FGF12: variants seen among roughly 807,000 people sequenced by gnomAD.
The protein encoded by FGF12 is fibroblast growth factor 12B.
Under a neutral mutation model 23.6 loss-of-function variants are expected in FGF12, and 14 were observed. The ratio of observed to expected loss-of-function variants is 0.59; its 90% CI spans 0.39 to 0.93. The LOEUF (loss-of-function observed/expected upper bound fraction) is 0.93, where lower values mean the gene tolerates loss of function less well. Among genes scored for constraint, FGF12 ranks in the 40% least tolerant of loss-of-function variants. The pLI, the probability that FGF12 is intolerant of heterozygous loss-of-function variation, is 0.00. For synonymous variants in FGF12, 62 were observed against 77.3 expected, an observed-to-expected ratio of 0.80 and a Z score of 1.04; for missense variants, 175 against 217.8, an observed-to-expected ratio of 0.80 and a Z score of 1.24.
At chr3:192,443,986 C>A (rs1050426060) in intron 2 of FGF12, among the ~76,000 whole-genome samples, 2 of 152,168 alleles carry the variant, frequency 1.3e-5, no homozygotes, top group Non-Finnish European at 2.9e-5. Context: ...GACTTACAGA[C>A]CTCCTCTCAA....
At chr3:192,490,369 T>C (rs1723763240) in intron 2 of FGF12, among the ~76,000 whole-genome samples, 1 of 152,122 alleles carries the variant, frequency 6.6e-6, no homozygotes, top group Non-Finnish European at 1.5e-5. Context: ...CATGACTCAG[T>C]AAGTCTACCC....
chr3:192,344,823 T>C (rs1717873542), intron 3 of FGF12, among the ~76,000 whole-genome samples: 1 of 152,268 alleles, frequency 6.6e-6, no homozygotes, highest in Middle Eastern at 3.4e-3. Context: ...AATTAACAAG[T>C]CAATTAAACG....
At chr3:192,518,076 C>T (rs1336827472) in intron 2 of FGF12, among the ~76,000 whole-genome samples, 1 of 152,056 alleles carries the variant, frequency 6.6e-6, no homozygotes, top group African/African-American at 2.4e-5. Flanking sequence ...TCCCATAAGC[C>T]AAACTCAAAA....
rs1425717328 is a variant in FGF12 at position 192,139,545 on chromosome 3, G to A, written c.*4464C>T. The A allele has an allele frequency of 1.3e-5, 2 of 152,056 alleles. No individual in the cohort carries two copies. Among genetic ancestry groups the A allele is most frequent in the Non-Finnish European group, 2.9e-5 (2 of 67,958 alleles). The allele number at this position is 152,056 out of a possible 1,614,324, so 9.4% of individuals were successfully genotyped here. ...ATACCAATTCTAGCCATGGGAGTAT[G>A]TTTTGGACTTTTTGAACAATTTTAA... is the stretch of plus-strand genomic sequence containing the variant. On this transcript the variant is annotated 3_prime_UTR_variant, in exon 6 of 6. Transcript: ENST00000445105.
intron 4 of FGF12, among the ~76,000 whole-genome samples, chr3:192,189,658 A>C (rs1360402715): frequency 6.6e-6 from 1 of 152,152 alleles, no homozygotes; most frequent in Non-Finnish European, 1.5e-5. Flanking sequence ...TGCACAGAAA[A>C]CAGCCACATG....
chr3:192,358,003 GAAAT>G (rs1452963153), intron 3 of FGF12, among the ~76,000 whole-genome samples: 3 of 151,998 alleles, frequency 2.0e-5, no homozygotes, highest in African/African-American at 7.2e-5. Flanking sequence ...AAAAATGAAA[GAAAT>G]AAAGCAAATA....
chr3:192,373,373 C>T (rs1719330989), intron 2 of FGF12, among the ~76,000 whole-genome samples: 1 of 151,440 alleles, frequency 6.6e-6, no homozygotes, highest in African/African-American at 2.4e-5. Context: ...AGTTCCGTGG[C>T]TCCAAGTCTA....
At chr3:192,520,062 C>A (rs1195358994) in intron 2 of FGF12, among the ~76,000 whole-genome samples, 2 of 152,194 alleles carry the variant, frequency 1.3e-5, no homozygotes, top group African/African-American at 4.8e-5. Flanking sequence ...ACAATAGCAA[C>A]CAACATCTGA....
chr3:192,694,781 G>C (rs1718060925), intron 2 of FGF12, among the ~76,000 whole-genome samples: 1 of 151,936 alleles, frequency 6.6e-6, no homozygotes, highest in Admixed American at 6.6e-5. Flanking sequence ...CAGGCACAGA[G>C]AGGCATACAC....
intron 2 of FGF12, among the ~76,000 whole-genome samples, chr3:192,651,364 C>T (rs1716207690): frequency 1.3e-5 from 2 of 152,230 alleles, no homozygotes; most frequent in South Asian, 4.1e-4. Flanking sequence ...ATGATATACC[C>T]TAGAGTCTTC....
chr3:192,575,515 G>T (rs913482385), intron 2 of FGF12, among the ~76,000 whole-genome samples: 1 of 152,174 alleles, frequency 6.6e-6, no homozygotes, highest in Non-Finnish European at 1.5e-5. Context: ...AGGAGGAGGA[G>T]AAGAAAGAGG....
chr3:192,495,320 T>C (rs186236232), intron 2 of FGF12, among the ~76,000 whole-genome samples: 378 of 152,322 alleles, frequency 2.5e-3, no homozygotes, highest in African/African-American at 8.7e-3. Flanking sequence ...AAAGTGTCCG[T>C]ACATAAACAT....
rs545659545 is a variant in FGF12 at position 192,188,701 on chromosome 3, T to A, written c.229-18045A>T. Among the ~76,000 whole-genome samples, 11 of 152,340 alleles carry A rather than the reference T, an allele frequency of 7.2e-5. No homozygotes were observed. The South Asian group carries it at 2.3e-3, about 32-fold the overall frequency. On this transcript the variant is annotated intron_variant, in intron 4 of 5. Transcript: ENST00000445105. The stretch of plus-strand genomic sequence containing the variant: ...CAATTTTGCCTGTGCCATTTATTAG[T>A]TGAATGAAAAGCAGAAAGTTCCTTC...
intron 2 of FGF12, among the ~76,000 whole-genome samples, chr3:192,561,889 A>AAATAAT (rs754554099): frequency 2.6e-5 from 4 of 151,184 alleles, no homozygotes; most frequent in Non-Finnish European, 5.9e-5. Context: ...AAACATGGCA[A>AAATAAT]AATAATAATA....
intron 5 of FGF12, among the ~76,000 whole-genome samples, chr3:192,165,311 TAA>T (rs35624911): frequency 8.7e-5 from 13 of 149,142 alleles, no homozygotes; most frequent in South Asian, 4.2e-4. Flanking sequence ...ATCCCTTCAT[TAA>T]AAAAAAAAAT....
chr3:192,460,066 C>G (rs1459782954), intron 2 of FGF12, among the ~76,000 whole-genome samples: 1 of 152,100 alleles, frequency 6.6e-6, no homozygotes, highest in Admixed American at 6.6e-5. Context: ...AATGCAAATA[C>G]TTACAAAGAA....
At chr3:192,277,610 G>A (rs972726346) in intron 4 of FGF12, among the ~76,000 whole-genome samples, 3 of 152,156 alleles carry the variant, frequency 2.0e-5, no homozygotes, top group Admixed American at 6.5e-5. Context: ...ACCTACAACT[G>A]TGTTGCAGTG....
chr3:192,335,760 T>A (rs1717373925), intron 3 of FGF12, among the ~76,000 whole-genome samples: 1 of 152,012 alleles, frequency 6.6e-6, no homozygotes, highest in Non-Finnish European at 1.5e-5. Flanking sequence ...CTTAAAATGA[T>A]CCTCAAACAG....
At chr3:192,345,770 A>C (rs542160310) in intron 3 of FGF12, among the ~76,000 whole-genome samples, 1 of 152,286 alleles carries the variant, frequency 6.6e-6, no homozygotes, top group South Asian at 2.1e-4. Context: ...AAAACAGACT[A>C]TAATAAGAAA....
Sources: allele counts gnomAD v4.1 joint callset (sites outside exome capture counted in the v4.1 genomes callset), GRCh38; gene constraint gnomAD v4.1.1; transcripts MANE v1.5; gene names NCBI Gene and HGNC (gene_info 2026-07-23, HGNC 2026-07-21).